Variants in RPE65 observed in about 807,000 individuals in gnomAD.
RPE65 encodes retinoid isomerohydrolase RPE65.
RPE65 carries 58 observed loss-of-function variants against 68.5 expected under a neutral mutation model. The observed-to-expected ratio is 0.85, with a 90% CI of 0.69 to 1.05. The LOEUF (loss-of-function observed/expected upper bound fraction) is 1.05, where lower values mean the gene tolerates loss of function less well. RPE65 is among the 50% of genes least tolerant of loss of function. RPE65 has a pLI of 0.00. For missense variants in RPE65, 643 were observed against 629.9 expected (o/e 1.02, Z -0.22); for synonymous variants, 220 against 222.2 (o/e 0.99, Z 0.09).
intron 1 of RPE65, among the ~76,000 whole-genome samples, chr1:68,449,127 C>T (rs1187743260): frequency 6.6e-6 from 1 of 152,148 alleles, no homozygotes; most frequent in African/African-American, 2.4e-5. Flanking sequence ...CCCACCCTAT[C>T]AACATGCTCA....
rs534582922 is a variant in RPE65, at chr1:68,429,586, C to T, written c.*190G>A. 52 of 630,284 alleles carry T rather than the reference C, an allele frequency of 8.3e-5. No individual in the cohort carries two copies. The highest frequency in any genetic ancestry group is 4.3e-4 in the Middle Eastern group (1 of 2,310). 39.0% of individuals were successfully genotyped at this position (630,284 alleles called of 1,614,324 possible). A position where few individuals can be genotyped will look rare whatever the true frequency, so the allele number is the denominator to read the frequency against. On this transcript the variant is annotated 3_prime_UTR_variant, in exon 14 of 14. Transcript: ENST00000262340. ...CAGAGGAAGTATGATTATCTAAATA[C>T]GTACTTTTTTTTTTAAATAAAGGAA...
At chr1:68,444,453 A>G (rs1645926563) in intron 5 of RPE65, 78 bp downstream of exon 5, 2 of 1,550,814 alleles carry the variant, frequency 1.3e-6, no homozygotes, top group African/African-American at 2.7e-5. Flanking sequence ...ATACATTCGC[A>G]GCATGAATAA....
Position 68,440,839 on chromosome 1 carries a change from A to G in RPE65, c.643+14T>C. 1 of 1,613,882 alleles carries G rather than the reference A, an allele frequency of 6.2e-7. No individual in the cohort carries two copies. The highest frequency in any genetic ancestry group is 8.5e-7 in the Non-Finnish European group (1 of 1,179,778). On this transcript the variant is annotated intron_variant, in intron 6 of 13. Transcript: ENST00000262340. ...GACACTTATTTTCAGAAGAGGACAG[A>G]TTGGTAAACTCACCTGCTTGCAGTG...
intron 10 of RPE65, among the ~76,000 whole-genome samples, chr1:68,436,444 C>CTATCTATT (rs1553152864): frequency 6.8e-6 from 1 of 147,490 alleles, no homozygotes; most frequent in Non-Finnish European, 1.5e-5. Flanking sequence ...CCTGTTACTT[C>CTATCTATT]TATTTATTTA....
chr1:68,448,227 C>A (rs756975226), intron 2 of RPE65, among the ~76,000 whole-genome samples: 1 of 152,284 alleles, frequency 6.6e-6, no homozygotes, highest in Non-Finnish European at 1.5e-5. Flanking sequence ...CCAGCAGAAC[C>A]AACATTCCTC....
In RPE65 at chr1:68,431,396, C is replaced by T. The variant is rs772290877; in HGVS notation, c.1244-20G>A. The T allele has an allele frequency of 4.8e-5, 78 of 1,612,938 alleles. No homozygotes were observed. The highest frequency in any genetic ancestry group is 2.2e-5 in the East Asian group (1 of 44,878). On this transcript the variant is annotated intron_variant, in intron 11 of 13. Coordinates refer to ENST00000262340, the MANE Select transcript of RPE65 (RefSeq NM_000329.3). ...CAAATGCTACGAAATAGAGCACATG[C>T]TTAGGAAAACTCTTAATCTCTTTGA...
At chr1:68,438,163 G>A in intron 10 of RPE65, 24 bp downstream of exon 10, 1 of 1,613,292 alleles carries the variant, frequency 6.2e-7, no homozygotes, top group East Asian at 2.2e-5. Flanking sequence ...GGTTAAATCT[G>A]AAATCTACAG....
chr1:68,444,395 T>C (rs193084518), intron 5 of RPE65, 136 bp downstream of exon 5: 1 of 1,146,760 alleles, frequency 8.7e-7, no homozygotes, highest in East Asian at 2.4e-5. Flanking sequence ...GTGCAGTCCA[T>C]TTGGAGCTTG....
intron 6 of RPE65, 31 bp from the exon 7 acceptor site, chr1:68,439,673 A>G: frequency 6.4e-7 from 1 of 1,564,928 alleles, no homozygotes; most frequent in South Asian, 1.1e-5. Context: ...AAGGCTTTGG[A>G]AGAGCCTCTT....
chr1:68,433,922 C>T (rs536631092), intron 10 of RPE65, among the ~76,000 whole-genome samples: 128 of 151,892 alleles, frequency 8.4e-4, no homozygotes, highest in African/African-American at 2.8e-3. Context: ...AAATCCTCAA[C>T]GTAGTGAGAG....
At chr1:68,430,713 C>T (rs1557595564) in intron 13 of RPE65, among the ~76,000 whole-genome samples, 1 of 152,042 alleles carries the variant, frequency 6.6e-6, no homozygotes, top group East Asian at 1.9e-4. Flanking sequence ...ACTTAGCTTC[C>T]CTTCTTAGAA....
At chr1:68,448,553 G>A (rs1042971947) in intron 2 of RPE65, 71 bp downstream of exon 2, 17 of 1,441,368 alleles carry the variant, frequency 1.2e-5, no homozygotes, top group Admixed American at 8.6e-5. Flanking sequence ...ACTGAGAGAC[G>A]CCAAGGAATA....
chr1:68,441,051 T>C (rs781323113), intron 5 of RPE65, 51 bp from the exon 6 acceptor site: 42 of 1,606,874 alleles, frequency 2.6e-5, no homozygotes, highest in Non-Finnish European at 3.1e-5. Flanking sequence ...AGATACATTA[T>C]ACCTTTGTCC....
chr1:68,444,594 G>A lies in RPE65; in HGVS notation c.432C>T (p.Tyr144=), dbSNP rs56021047. The part of the protein sequence containing the change: ...VNVYPVGEDY[Y]ACTETNFITK... ...TAATAAAGTTGGTCTCTGTGCAAGC[G>A]TAGTAATCTTCCCCCACTGGGTAGA... The change falls in exon 5 of 14, where the codon TAC becomes TAT. Residue 144 remains tyrosine (Y), a synonymous_variant. Coordinates refer to ENST00000262340, the MANE Select transcript of RPE65 (RefSeq NM_000329.3). The A allele has an allele frequency of 6.1e-4, 980 of 1,614,070 alleles. 5 individuals are homozygous for A. In the African/African-American group the frequency reaches 0.011, roughly 19 times the overall value.
At position 68,444,551 on chromosome 1, in the gene RPE65, T is replaced by A. The variant is rs1557602593; in HGVS notation, c.475A>T (p.Thr159Ser). ...TNFITKINPE[T>S]LETIKQVDLC... ...CCCACCTGCTTAATTGTCTCCAAGG[T>A]CTCTGGATTAATCTTTGTAATAAAG... Residue 159 changes from threonine (T) to serine (S), a missense_variant, in exon 5 of 14, where the codon ACC (threonine) becomes TCC (serine). Coordinates refer to ENST00000262340, the MANE Select transcript of RPE65 (RefSeq NM_000329.3). 33 of 1,614,134 alleles carry A rather than the reference T, an allele frequency of 2.0e-5. No individual in the cohort carries two copies. The highest frequency in any genetic ancestry group is 2.4e-5 in the Non-Finnish European group (28 of 1,180,014).
chr1:68,446,532 C>G (rs1645944304), intron 3 of RPE65, among the ~76,000 whole-genome samples, 178 bp downstream of exon 3: 2 of 152,154 alleles, frequency 1.3e-5, no homozygotes, highest in African/African-American at 4.8e-5. Flanking sequence ...TTAGCTTCTC[C>G]TTTATTCCAT....
At chr1:68,431,228 T>C (rs1297530978) in intron 12 of RPE65, 52 bp from the exon 13 acceptor site, 2 of 1,602,310 alleles carry the variant, frequency 1.2e-6, no homozygotes, top group South Asian at 2.2e-5. Context: ...ATGCTTTACT[T>C]GACTAGCATA....
intron 3 of RPE65, among the ~76,000 whole-genome samples, chr1:68,446,130 C>T (rs1462532110): frequency 2.0e-5 from 3 of 151,914 alleles, no homozygotes; most frequent in East Asian, 3.9e-4. Context: ...GGCTTTTTAG[C>T]AATAATCTCT....
At position 68,438,283 on chromosome 1, in the gene RPE65, G is replaced by A. The variant is rs1482923216; in HGVS notation, c.1032C>T (p.Ala344=). 1 of 1,613,392 alleles carries A rather than the reference G, an allele frequency of 6.2e-7. No individual in the cohort carries two copies. Reference sequence around the variant, plus strand: ...CCTCTTCCCAGTTCTCACGTAAATTGGCTAAATATAAGTAATTATAAACAA... The same window carrying A: ...CCTCTTCCCAGTTCTCACGTAAATTAGCTAAATATAAGTAATTATAAACAA... The part of the protein sequence containing the change: ...FEFVYNYLYL[A]NLRENWEEVK... The change falls in exon 10 of 14, where the codon GCC becomes GCT. Residue 344 remains alanine, a synonymous_variant. Coordinates refer to ENST00000262340, the MANE Select transcript of RPE65 (RefSeq NM_000329.3).
Sources: gnomAD v4.1 joint callset for allele counts (sites outside exome capture counted in the v4.1 genomes callset) on GRCh38, gnomAD v4.1.1 for gene constraint, MANE v1.5 for transcripts, NCBI Gene and HGNC (gene_info 2026-07-23, HGNC 2026-07-21) for gene names.